EPHA5: variants seen among roughly 807,000 people sequenced by gnomAD.
The protein encoded by EPHA5 is ephrin type-A receptor 5.
Under a neutral mutation model 105.0 loss-of-function variants are expected in EPHA5, and 60 were observed. That is an observed-to-expected ratio of 0.57 (90% CI 0.46 to 0.71). The LOEUF is 0.71. Ranked by LOEUF, EPHA5 falls within the 30% of genes least tolerant of loss-of-function variation. EPHA5 has a pLI of 0.00. For missense variants in EPHA5, 1,218 were observed against 1,274.7 expected, an observed-to-expected ratio of 0.96 and a Z score of 0.68; for synonymous variants, 513 against 449.1, an observed-to-expected ratio of 1.14 and a Z score of -1.80.
intron 3 of EPHA5, among the ~76,000 whole-genome samples, chr4:65,521,353 A>G (rs151054399): frequency 0.011 from 1,637 of 152,184 alleles, 32 homozygotes; most frequent in African/African-American, 0.037. Context: ...GAAGGGGAAC[A>G]TCACACACCA....
chr4:65,330,980 G>A (rs1720560032), intron 16 of EPHA5: 2 of 1,045,234 alleles, frequency 1.9e-6, no homozygotes, highest in Non-Finnish European at 1.2e-6. Context: ...CTTCTGTGGG[G>A]AGGAACAATG....
chr4:65,626,100 C>CAAAAAAAAAAAAAAAAAAAAACAAAAAAA (rs11304193), intron 2 of EPHA5, among the ~76,000 whole-genome samples: 1 of 131,600 alleles, frequency 7.6e-6, no homozygotes. Context: ...CACTCCGTCT[C>CAAAAAAAAAAAAAAAAAAAAACAAAAAAA]AAAAAAAAAA....
At chr4:65,553,619 A>G (rs1738126665) in intron 3 of EPHA5, among the ~76,000 whole-genome samples, 1 of 152,054 alleles carries the variant, frequency 6.6e-6, no homozygotes, top group Non-Finnish European at 1.5e-5. Flanking sequence ...GCAGAAATTC[A>G]TTTCTAAAGT....
chr4:65,429,873 G>C (rs534234303), intron 5 of EPHA5, among the ~76,000 whole-genome samples: 1 of 152,018 alleles, frequency 6.6e-6, no homozygotes, highest in Non-Finnish European at 1.5e-5. Context: ...GAATGACTGG[G>C]AGACCTGAGT....
At chr4:65,425,672 TAGAA>T (rs1377746536) in intron 5 of EPHA5, among the ~76,000 whole-genome samples, 19 of 151,950 alleles carry the variant, frequency 1.3e-4, no homozygotes, top group Non-Finnish European at 2.6e-4. Context: ...AAATCAAACT[TAGAA>T]AGCTGAGGCT....
intron 3 of EPHA5, among the ~76,000 whole-genome samples, chr4:65,510,354 T>C (rs1733498637): frequency 6.6e-6 from 1 of 152,066 alleles, no homozygotes. Context: ...GGATACATAC[T>C]TCTGTTAGCA....
intron 14 of EPHA5, among the ~76,000 whole-genome samples, chr4:65,344,345 G>A (rs1294925397): frequency 6.6e-6 from 1 of 152,090 alleles, no homozygotes; most frequent in African/African-American, 2.4e-5. Context: ...TGGCCCTCAG[G>A]AACATAAGAA....
chr4:65,525,780 T>G (rs1287310711), intron 3 of EPHA5, among the ~76,000 whole-genome samples: 1 of 151,830 alleles, frequency 6.6e-6, no homozygotes, highest in African/African-American at 2.4e-5. Context: ...ATAACAAAAT[T>G]TATAGCTTAT....
intron 5 of EPHA5, among the ~76,000 whole-genome samples, chr4:65,425,708 G>A (rs1393280831): frequency 6.6e-6 from 1 of 151,946 alleles, no homozygotes; most frequent in Non-Finnish European, 1.5e-5. Context: ...CAGTATTGAG[G>A]TTTTCTGAAC....
At chr4:65,540,543 A>G (rs1736716671) in intron 3 of EPHA5, among the ~76,000 whole-genome samples, 1 of 151,506 alleles carries the variant, frequency 6.6e-6, no homozygotes, top group African/African-American at 2.4e-5. Flanking sequence ...CTATTTTTAA[A>G]TAATGAAAGA....
chr4:65,538,314 C>T (rs189481316), intron 3 of EPHA5, among the ~76,000 whole-genome samples: 1 of 151,786 alleles, frequency 6.6e-6, no homozygotes, highest in East Asian at 1.9e-4. Flanking sequence ...GTTCTGGGAG[C>T]ACCAATTCAG....
intron 14 of EPHA5, among the ~76,000 whole-genome samples, chr4:65,341,799 C>G (rs1577860338): frequency 6.6e-6 from 1 of 151,738 alleles, no homozygotes; most frequent in East Asian, 2.0e-4. Context: ...GGCTTGAGTA[C>G]CTATGTTGCT....
intron 3 of EPHA5, among the ~76,000 whole-genome samples, chr4:65,584,832 C>G (rs538531749): frequency 6.6e-6 from 1 of 151,960 alleles, no homozygotes; most frequent in Non-Finnish European, 1.5e-5. Flanking sequence ...AAAAAATCTT[C>G]CTATTTAATT....
At chr4:65,571,704 A>C (rs1294727218) in intron 3 of EPHA5, among the ~76,000 whole-genome samples, 1 of 152,030 alleles carries the variant, frequency 6.6e-6, no homozygotes, top group Admixed American at 6.6e-5. Flanking sequence ...CTTTTCAATA[A>C]AAATATGTAT....
chr4:65,351,377 G>A lies in EPHA5; in HGVS notation c.2445+12C>T, dbSNP rs764842332. 6.2e-7 allele frequency: 1 copy of A among 1,612,616 alleles called. No individual in the cohort carries two copies. The highest frequency in any genetic ancestry group is 1.1e-5 in the South Asian group (1 of 91,042). ...GGTCTAGTGTTTAGAAATGCACTCT[G>A]TTAGATCTTACCCTTGTGGTGTAGG... On this transcript the variant is annotated intron_variant, in intron 13 of 16. Coordinates refer to ENST00000613740, the MANE Select transcript of EPHA5 (RefSeq NM_001281766.3).
At chr4:65,398,528 G>A (rs1438351322) in intron 8 of EPHA5, among the ~76,000 whole-genome samples, 1 of 152,128 alleles carries the variant, frequency 6.6e-6, no homozygotes, top group African/African-American at 2.4e-5. Context: ...CCTGAAGCCT[G>A]GGGGCTAAGC....
At chr4:65,391,987 T>C (rs1720760653) in intron 8 of EPHA5, among the ~76,000 whole-genome samples, 1 of 152,166 alleles carries the variant, frequency 6.6e-6, no homozygotes. Flanking sequence ...GCAGCATGTT[T>C]ACATATTTGA....
intron 3 of EPHA5, among the ~76,000 whole-genome samples, chr4:65,547,740 T>C (rs1318909822): frequency 1.3e-5 from 2 of 152,040 alleles, no homozygotes; most frequent in African/African-American, 4.8e-5. Context: ...TTTGACAATC[T>C]CATAGGGTCA....
Position 65,612,330 on chromosome 4 carries a change from C to T in EPHA5, c.247-10026G>A, listed in dbSNP as rs180840554. Among the ~76,000 whole-genome samples, 116 of 152,248 alleles carry T rather than the reference C, an allele frequency of 7.6e-4. 1 individual carries two copies. The highest frequency in any genetic ancestry group is 2.6e-3 in the African/African-American group (106 of 41,552). On this transcript the variant is annotated intron_variant, in intron 2 of 16. Coordinates refer to ENST00000613740, the MANE Select transcript of EPHA5 (RefSeq NM_001281766.3). ...TCTCATCCCTCATCCCCCTCCCACC[C>T]TCTCACCTTGCCGAGTTTCCAAAAC...
Sources: gnomAD v4.1 joint callset for allele counts (sites outside exome capture counted in the v4.1 genomes callset) on GRCh38, gnomAD v4.1.1 for gene constraint, MANE v1.5 for transcripts, NCBI Gene and HGNC (gene_info 2026-07-23, HGNC 2026-07-21) for gene names.